The following MAML2 variants were observed in gnomAD, a reference collection of about 807,000 sequenced individuals.
MAML2 encodes mastermind like transcriptional coactivator 2.
In MAML2, 22 loss-of-function variants were observed where a neutral mutation model predicts 96.1. The observed-to-expected ratio is 0.23, with a 90% CI of 0.16 to 0.33. MAML2 has a LOEUF of 0.33. MAML2 is among the 10% of genes least tolerant of loss of function. The pLI is 1.00. For missense variants in MAML2, 1,367 were observed against 1,392.4 expected, an observed-to-expected ratio of 0.98 and a Z score of 0.29; for synonymous variants, 561 against 521.3, an observed-to-expected ratio of 1.08 and a Z score of -1.04.
chr11:96,204,907 T>A (rs548758151), intron 1 of MAML2, among the ~76,000 whole-genome samples: 62 of 152,356 alleles, frequency 4.1e-4, no homozygotes, highest in Non-Finnish European at 8.2e-4. Flanking sequence ...TTTCTCTTTA[T>A]CCTTCATTCT....
chr11:96,049,597 C>T (rs922926217), intron 2 of MAML2, among the ~76,000 whole-genome samples: 2 of 152,082 alleles, frequency 1.3e-5, no homozygotes, highest in Non-Finnish European at 2.9e-5. Flanking sequence ...GCTGAGCGAC[C>T]GTGGGCAAGT....
chr11:96,262,142 G>A (rs1349880353), intron 1 of MAML2, among the ~76,000 whole-genome samples: 1 of 152,180 alleles, frequency 6.6e-6, no homozygotes, highest in East Asian at 1.9e-4. Flanking sequence ...ATTCTGACAT[G>A]TACTAAAGTT....
chr11:96,018,257 AC>A lies in MAML2; in HGVS notation c.2140-26535del, dbSNP rs201626929. Among the ~76,000 whole-genome samples the A allele has an allele frequency of 3.2e-3, 487 of 152,274 alleles. 1 individual carries two copies. The highest frequency in any genetic ancestry group is 0.011 in the African/African-American group (464 of 41,542). On this transcript the variant is annotated intron_variant, in intron 2 of 4. Coordinates refer to ENST00000524717, the MANE Select transcript of MAML2 (RefSeq NM_032427.4). ...GGAGGAGTTGGAAATAGGGAATTTA[AC>A]CTGGGATATGTCAAGTTTGAGATGC... is the stretch of plus-strand genomic sequence containing the variant.
intron 2 of MAML2, among the ~76,000 whole-genome samples, chr11:96,070,556 C>T (rs1859329017): frequency 6.6e-6 from 1 of 152,236 alleles, no homozygotes; most frequent in Non-Finnish European, 1.5e-5. Flanking sequence ...CCAGCTGCAG[C>T]CTTGCAGAGA....
chr11:96,000,604 G>A (rs1858064868), intron 2 of MAML2, among the ~76,000 whole-genome samples: 1 of 152,146 alleles, frequency 6.6e-6, no homozygotes, highest in East Asian at 1.9e-4. Context: ...TGAGATAACT[G>A]GCAAGTTGAA....
chr11:95,983,048 T>A (rs1278266340), intron 4 of MAML2, among the ~76,000 whole-genome samples: 1 of 152,162 alleles, frequency 6.6e-6, no homozygotes, highest in Non-Finnish European at 1.5e-5. Flanking sequence ...CTTCTACTTA[T>A]ACAAAAAGTT....
At chr11:96,257,187 T>G (rs908209283) in intron 1 of MAML2, among the ~76,000 whole-genome samples, 1 of 152,258 alleles carries the variant, frequency 6.6e-6, no homozygotes, top group African/African-American at 2.4e-5. Flanking sequence ...AGCTTTGTTT[T>G]ATTGTCAAAT....
intron 2 of MAML2, among the ~76,000 whole-genome samples, chr11:96,006,913 ACACG>A (rs1287153492): frequency 7.0e-6 from 1 of 143,146 alleles, no homozygotes; most frequent in East Asian, 2.1e-4. Flanking sequence ...ACACACACAC[ACACG>A]AGTATTTTAA....
At chr11:96,108,529 TATCTC>T (rs1860063814) in intron 1 of MAML2, among the ~76,000 whole-genome samples, 1 of 152,170 alleles carries the variant, frequency 6.6e-6, no homozygotes, top group Non-Finnish European at 1.5e-5. Flanking sequence ...GTACCTCAGT[TATCTC>T]ATCTGTAAAA....
intron 1 of MAML2, among the ~76,000 whole-genome samples, chr11:96,208,883 C>G (rs1044930166): frequency 6.6e-6 from 1 of 152,174 alleles, no homozygotes; most frequent in African/African-American, 2.4e-5. Flanking sequence ...AAACCAATAA[C>G]AACTTCTGGA....
intron 1 of MAML2, among the ~76,000 whole-genome samples, chr11:96,180,404 TG>T (rs1305112212): frequency 6.6e-6 from 1 of 152,218 alleles, no homozygotes; most frequent in African/African-American, 2.4e-5. Flanking sequence ...AGTTTCCACT[TG>T]GCTCTCTTTT....
chr11:96,152,194 G>A (rs931633960), intron 1 of MAML2, among the ~76,000 whole-genome samples: 1 of 152,186 alleles, frequency 6.6e-6, no homozygotes, highest in Admixed American at 6.5e-5. Flanking sequence ...TGCACTCCAG[G>A]CTGGGCAACA....
chr11:96,281,577 G>C (rs1236566101), intron 1 of MAML2, among the ~76,000 whole-genome samples: 2 of 152,082 alleles, frequency 1.3e-5, no homozygotes, highest in East Asian at 3.8e-4. Context: ...TAGCAGCCCT[G>C]GTTTTGAGAA....
rs201275061 is a variant in MAML2 at position 95,991,568 on chromosome 11, C to T, written c.2295G>A (p.Met765Ile). The change falls in exon 3 of 5, where the codon ATG becomes ATA. Residue 765 changes from methionine (M) to isoleucine (I), a missense_variant. Coordinates refer to ENST00000524717, the MANE Select transcript of MAML2 (RefSeq NM_032427.4). ...GKKQTLQRQI[M>I]EQKQQLLLQQ... is the part of the protein sequence containing the mutation. Reference sequence around the variant, plus strand: ...GGAGAAGAAGTTGCTGTTTCTGCTCCATGATCTGCCTCTGTAGAGTCTGCT... The same window carrying T: ...GGAGAAGAAGTTGCTGTTTCTGCTCTATGATCTGCCTCTGTAGAGTCTGCT... 8.1e-6 allele frequency: 13 copies of T among 1,613,794 alleles called. No homozygotes were observed. The African/African-American group carries it at 1.6e-4, about 20-fold the overall frequency.
At position 96,275,575 on chromosome 11, in the gene MAML2, T is replaced by C. The variant is rs567050200; in HGVS notation, c.513+65808A>G. The stretch of plus-strand genomic sequence containing the variant: ...TGAGCCACCACACCCGGCCAGAATT[T>C]TTCTTTCTTTTTGTACAACTCAGAC... On this transcript the variant is annotated intron_variant, in intron 1 of 4. Transcript: ENST00000524717. Among the ~76,000 whole-genome samples, 3 of 152,238 alleles carry C rather than the reference T, an allele frequency of 2.0e-5. No individual in the cohort carries two copies. The South Asian group carries it at 6.2e-4, about 32-fold the overall frequency.
At chr11:96,150,686 T>C (rs1380845930) in intron 1 of MAML2, among the ~76,000 whole-genome samples, 1 of 152,116 alleles carries the variant, frequency 6.6e-6, no homozygotes, top group East Asian at 1.9e-4. Flanking sequence ...CTACATAAGA[T>C]AGTATTAAGC....
At chr11:96,106,013 T>A (rs1306526711) in intron 1 of MAML2, among the ~76,000 whole-genome samples, 1 of 152,188 alleles carries the variant, frequency 6.6e-6, no homozygotes, top group Non-Finnish European at 1.5e-5. Context: ...GGCATTAAAA[T>A]CCCACTACTT....
intron 1 of MAML2, among the ~76,000 whole-genome samples, chr11:96,254,896 T>G (rs887636413): frequency 1.3e-5 from 2 of 152,162 alleles, no homozygotes; most frequent in Admixed American, 1.3e-4. Flanking sequence ...CACAGCTGAC[T>G]ACAGCCTCTC....
chr11:96,112,189 C>A (rs1300076073), intron 1 of MAML2, among the ~76,000 whole-genome samples: 2 of 152,242 alleles, frequency 1.3e-5, no homozygotes, highest in Non-Finnish European at 2.9e-5. Context: ...CATAACACAG[C>A]TATTTCTCTA....
Sources: gnomAD v4.1 joint callset for allele counts (sites outside exome capture counted in the v4.1 genomes callset) on GRCh38, gnomAD v4.1.1 for gene constraint, MANE v1.5 for transcripts, NCBI Gene and HGNC (gene_info 2026-07-23, HGNC 2026-07-21) for gene names.